VPS13B: variants seen among roughly 807,000 people sequenced by gnomAD.
VPS13B encodes vacuolar protein sorting 13 homolog B.
Under a neutral mutation model 426.4 loss-of-function variants are expected in VPS13B, and 285 were observed. That is an observed-to-expected ratio of 0.67 (90% CI 0.61 to 0.74). The LOEUF is 0.74. VPS13B is among the 30% of genes least tolerant of loss of function. VPS13B has a pLI of 0.00. For missense variants in VPS13B, 4,537 were observed against 4,782.6 expected (o/e 0.95, Z 1.51); for synonymous variants, 1,676 against 1,676.4 (o/e 1.00, Z 0.01).
intron 51 of VPS13B, 31 bp downstream of exon 51, chr8:99,824,009 A>C (rs1315238956): frequency 3.1e-6 from 5 of 1,606,778 alleles, no homozygotes; most frequent in Non-Finnish European, 4.2e-6. Context: ...CTTTTGTCTA[A>C]GTTTTGATAA....
At chr8:99,707,623 C>T (rs986042381) in intron 36 of VPS13B, among the ~76,000 whole-genome samples, 2 of 152,156 alleles carry the variant, frequency 1.3e-5, no homozygotes, top group Non-Finnish European at 2.9e-5. Flanking sequence ...CTTTAGAACA[C>T]CTCCACAACT....
chr8:99,606,745 C>T lies in VPS13B; in HGVS notation c.5220+29112C>T, dbSNP rs185897264. On this transcript the variant is annotated intron_variant, in intron 33 of 61. Transcript: ENST00000357162. ...CCAGATTCAAGCGATTCTCCTGCCT[C>T]ATCCTCCGAAGTAGTGGGATTACAG... 2.7e-3 allele frequency among the ~76,000 whole-genome samples: 416 copies of T among 151,478 alleles called. 4 individuals are homozygous for T. The highest frequency in any genetic ancestry group is 9.7e-3 in the African/African-American group (402 of 41,358).
chr8:99,266,217 A>G (rs146412368), intron 17 of VPS13B, among the ~76,000 whole-genome samples: 18 of 152,084 alleles, frequency 1.2e-4, no homozygotes, highest in Non-Finnish European at 2.2e-4. Flanking sequence ...AAAAAGAATT[A>G]GGGTTAGCCT....
Position 99,831,119 on chromosome 8 carries a change from G to A in VPS13B, c.9331-1250G>A, listed in dbSNP as rs1815028422. On this transcript the variant is annotated intron_variant, in intron 51 of 61. Coordinates refer to ENST00000357162, the MANE Select transcript of VPS13B (RefSeq NM_152564.5). Reference sequence around the variant, plus strand: ...ATAGAGTCTCGCCCTGTCACCCAGGGTGGAGTGTAATGGCATGATCTTGGC... The same window carrying A: ...ATAGAGTCTCGCCCTGTCACCCAGGATGGAGTGTAATGGCATGATCTTGGC... Among the ~76,000 whole-genome samples, 5 of 136,030 alleles carry A rather than the reference G, an allele frequency of 3.7e-5. No homozygotes were observed. In the Admixed American group the frequency reaches 4.4e-4, roughly 12 times the overall value. The allele number at this position is 136,030 out of a possible 152,430, so 89.2% of individuals were successfully genotyped here.
intron 2 of VPS13B, among the ~76,000 whole-genome samples, chr8:99,026,614 T>C (rs1842149857): frequency 6.6e-6 from 1 of 152,226 alleles, no homozygotes; most frequent in Non-Finnish European, 1.5e-5. Context: ...GCTTTATCTA[T>C]CTGAGTGTTC....
At position 99,835,581 on chromosome 8, in the gene VPS13B, A is replaced by G. The variant is rs1248358164; in HGVS notation, c.9785A>G (p.Glu3262Gly). ...FEVYCKKIPS[E>G]CSIHHELYHQ... ...GTTTATTGCAAAAAAATTCCCTCCG[A>G]GTGCTCAATTCATCATGAGCTGTAT... The change falls in exon 54 of 62, where the codon GAG (glutamate) becomes GGG (glycine). Residue 3262 changes from glutamate (E) to glycine (G), a missense_variant. Glu to Gly is a moderately conservative substitution (Grantham distance 98). This residue lies in a region of VPS13B where 4,311 missense variants were observed against 4,474.3 expected (regional missense o/e 0.96). Coordinates refer to ENST00000357162, the MANE Select transcript of VPS13B (RefSeq NM_152564.5). 1 of 1,614,070 alleles carries G rather than the reference A, an allele frequency of 6.2e-7. No individual in the cohort carries two copies. The highest frequency in any genetic ancestry group is 1.3e-5 in the African/African-American group (1 of 74,922).
chr8:99,285,822 G>GA (rs1209936991), intron 19 of VPS13B, among the ~76,000 whole-genome samples: 1 of 152,046 alleles, frequency 6.6e-6, no homozygotes, highest in East Asian at 1.9e-4. Context: ...ATACCCTCTA[G>GA]AAAAAACCTC....
chr8:99,465,504 A>G (rs982758337), intron 23 of VPS13B, among the ~76,000 whole-genome samples: 2 of 151,880 alleles, frequency 1.3e-5, no homozygotes, highest in African/African-American at 4.8e-5. Context: ...TGATAGTACC[A>G]ATGTTATTTG....
chr8:99,406,990 A>G (rs944846277), intron 21 of VPS13B, among the ~76,000 whole-genome samples: 11 of 152,224 alleles, frequency 7.2e-5, no homozygotes, highest in African/African-American at 2.7e-4. Flanking sequence ...AACAGTGGAA[A>G]ATAAAGTTGA....
chr8:99,642,268 T>G lies in VPS13B; in HGVS notation c.5678T>G (p.Leu1893Arg). ...PSGKKIGVLS[L>R]ESLHASTRSS... is the part of the protein sequence containing the mutation. ...GGGAAAAAAATAGGGGTCCTCTCTCTTGAAAGTCTTCATGCATCCACAAGG... is the reference window on the plus strand; with the variant it reads ...GGGAAAAAAATAGGGGTCCTCTCTCGTGAAAGTCTTCATGCATCCACAAGG... Residue 1893 changes from leucine (L) to arginine (R), a missense_variant, in exon 34 of 62, where the codon CTT becomes CGT. Around this residue, in one of 2 missense-constraint regions of VPS13B, gnomAD observed 4,311 missense variants for 4,474.3 expected, o/e 0.96. Transcript: ENST00000357162. 1 of 1,614,186 alleles carries G rather than the reference T, an allele frequency of 6.2e-7. No homozygotes were observed. The highest frequency in any genetic ancestry group is 8.5e-7 in the Non-Finnish European group (1 of 1,180,016).
rs918489572 is a variant in VPS13B at position 99,645,390 on chromosome 8, A to G, written c.5908+2892A>G. On this transcript the variant is annotated intron_variant, in intron 34 of 61. Coordinates refer to ENST00000357162, the MANE Select transcript of VPS13B (RefSeq NM_152564.5). ...GTGTGCTGGTACTATTTTAGCTGTC[A>G]ATATCATATAGTGAAAAGAATACTT... Among the ~76,000 whole-genome samples, 10 of 152,354 alleles carry G rather than the reference A, an allele frequency of 6.6e-5. No individual in the cohort carries two copies. The East Asian group carries it at 1.9e-3, about 29-fold the overall frequency.
intron 33 of VPS13B, among the ~76,000 whole-genome samples, chr8:99,610,141 A>G (rs1827778888): frequency 1.3e-5 from 2 of 152,204 alleles, no homozygotes; most frequent in Non-Finnish European, 1.5e-5. Context: ...TATTTTTGTT[A>G]TCTTGGAATA....
chr8:99,283,454 A>G (rs1182306477), intron 19 of VPS13B, among the ~76,000 whole-genome samples: 1 of 152,174 alleles, frequency 6.6e-6, no homozygotes, highest in Non-Finnish European at 1.5e-5. Context: ...GAATGATTTC[A>G]TGCTCCTAGC....
At chr8:99,744,916 C>G (rs533409153) in intron 39 of VPS13B, among the ~76,000 whole-genome samples, 2 of 151,962 alleles carry the variant, frequency 1.3e-5, no homozygotes, top group East Asian at 1.9e-4. Flanking sequence ...CACATGTATA[C>G]ATATGTAACT....
At chr8:99,052,622 G>A (rs1843620140) in intron 3 of VPS13B, among the ~76,000 whole-genome samples, 1 of 148,580 alleles carries the variant, frequency 6.7e-6, no homozygotes, top group Admixed American at 6.7e-5. Flanking sequence ...ACTCCTCCTT[G>A]TACCTCTGGT....
intron 34 of VPS13B, 43 bp downstream of exon 34, chr8:99,642,541 T>C: frequency 6.6e-7 from 1 of 1,507,200 alleles, no homozygotes. Context: ...AATTACTATC[T>C]AATAAGTTGT....
At chr8:99,381,279 A>G (rs890654151) in intron 19 of VPS13B, among the ~76,000 whole-genome samples, 2 of 152,072 alleles carry the variant, frequency 1.3e-5, no homozygotes, top group Non-Finnish European at 2.9e-5. Context: ...TGTATATGTA[A>G]CACATTTCCA....
intron 30 of VPS13B, among the ~76,000 whole-genome samples, chr8:99,540,796 A>G (rs1265959398): frequency 6.6e-6 from 1 of 152,166 alleles, no homozygotes; most frequent in Non-Finnish European, 1.5e-5. Flanking sequence ...TAAAAACTGC[A>G]TAATTGTTCT....
At chr8:99,327,446 C>T (rs998984301) in intron 19 of VPS13B, among the ~76,000 whole-genome samples, 1 of 152,072 alleles carries the variant, frequency 6.6e-6, no homozygotes, top group African/African-American at 2.4e-5. Context: ...AAATTTGCAT[C>T]AGAGCACAGT....
Sources: gnomAD v4.1 joint callset for allele counts (sites outside exome capture counted in the v4.1 genomes callset) on GRCh38, gnomAD v4.1.1 for gene constraint, gnomAD v4.1.1 regional missense constraint, MANE v1.5 for transcripts, NCBI Gene and HGNC (gene_info 2026-07-23, HGNC 2026-07-21) for gene names.